XKR6: variants seen among roughly 807,000 people sequenced by gnomAD.
XKR6 encodes XK related 6.
In XKR6, 22 loss-of-function variants were observed where a neutral mutation model predicts 56.7. That is an observed-to-expected ratio of 0.39 (90% CI 0.28 to 0.55). The LOEUF is 0.55. Ranked by LOEUF, XKR6 falls within the 20% of genes least tolerant of loss-of-function variation. The pLI is 0.66. For missense variants in XKR6, 852 were observed against 889.0 expected (o/e 0.96, Z 0.53); for synonymous variants, 524 against 387.8 (o/e 1.35, Z -4.13).
intron 1 of XKR6, among the ~76,000 whole-genome samples, chr8:11,119,678 T>C (rs954628313): frequency 1.3e-5 from 2 of 152,206 alleles, no homozygotes; most frequent in African/African-American, 4.8e-5. Flanking sequence ...CCTCCATCCC[T>C]TTATTTTGAG....
intron 1 of XKR6, among the ~76,000 whole-genome samples, chr8:11,145,980 G>A (rs184711427): frequency 9.9e-5 from 15 of 152,188 alleles, no homozygotes; most frequent in Non-Finnish European, 1.2e-4. Flanking sequence ...AGTGTGGTGT[G>A]GGCATCGAGA....
chr8:10,896,672 CCAAA>C lies in XKR6; in HGVS notation c.*1276_*1279del, dbSNP rs1305703795. ...ACCACAATGGTGAAAGACAGAAGCA[CCAAA>C]CAGTCTTTGAAATGGGTCAGTTATT... is the stretch of plus-strand genomic sequence containing the variant. On this transcript the variant is annotated 3_prime_UTR_variant, in exon 3 of 3. Transcript: ENST00000416569. 1.3e-5 allele frequency: 2 copies of C among 152,256 alleles called. No individual in the cohort carries two copies. Among genetic ancestry groups the C allele is most frequent in the Non-Finnish European group, 2.9e-5 (2 of 67,992 alleles). 9.4% of individuals were successfully genotyped at this position (152,256 alleles called of 1,614,324 possible). A position where few individuals can be genotyped will look rare whatever the true frequency, so the allele number is the denominator to read the frequency against.
intron 1 of XKR6, among the ~76,000 whole-genome samples, chr8:11,075,892 A>T (rs1458606199): frequency 6.6e-6 from 1 of 152,134 alleles, no homozygotes; most frequent in African/African-American, 2.4e-5. Flanking sequence ...AAAAAAACGT[A>T]ACTTGATCTT....
At chr8:11,069,701 T>C (rs539530407) in intron 1 of XKR6, among the ~76,000 whole-genome samples, 3 of 135,744 alleles carry the variant, frequency 2.2e-5, no homozygotes, top group South Asian at 2.3e-4. Context: ...GAGGGGAACA[T>C]AGGTGCAAGA....
At chr8:10,952,060 C>G (rs1801740903) in intron 1 of XKR6, among the ~76,000 whole-genome samples, 2 of 152,168 alleles carry the variant, frequency 1.3e-5, no homozygotes, top group African/African-American at 2.4e-5. Flanking sequence ...ATAAAGGGCA[C>G]ATGCAGCACA....
chr8:10,976,870 G>T (rs112160677), intron 1 of XKR6, among the ~76,000 whole-genome samples: 3,328 of 152,186 alleles, frequency 0.022, 63 homozygotes, highest in Middle Eastern at 0.037. Flanking sequence ...ACATCTGGCT[G>T]CCTGAGCCCC....
At chr8:11,017,860 C>T (rs1206759324) in intron 1 of XKR6, among the ~76,000 whole-genome samples, 1 of 152,168 alleles carries the variant, frequency 6.6e-6, no homozygotes, top group Admixed American at 6.5e-5. Flanking sequence ...ATCCCCGGAT[C>T]CTGAGATGAC....
chr8:10,968,835 G>A (rs1198109155), intron 1 of XKR6, among the ~76,000 whole-genome samples: 1 of 152,236 alleles, frequency 6.6e-6, no homozygotes, highest in African/African-American at 2.4e-5. Context: ...CAGTCCAGGG[G>A]CTCTGGGACT....
At chr8:10,963,453 G>A (rs565907266) in intron 1 of XKR6, among the ~76,000 whole-genome samples, 1 of 152,170 alleles carries the variant, frequency 6.6e-6, no homozygotes, top group South Asian at 2.1e-4. Context: ...TCTTCCTGCT[G>A]TCACTGGGAT....
At chr8:10,968,299 C>T (rs1002973713) in intron 1 of XKR6, among the ~76,000 whole-genome samples, 2 of 152,238 alleles carry the variant, frequency 1.3e-5, no homozygotes, top group East Asian at 1.9e-4. Context: ...AGATTGGACT[C>T]GGCTCACCCA....
chr8:11,128,673 A>T (rs1586586038), intron 1 of XKR6: 2 of 375,600 alleles, frequency 5.3e-6, no homozygotes, highest in East Asian at 1.4e-4. Flanking sequence ...ACACAAGATG[A>T]AATTACCCTG....
chr8:11,030,344 CA>C (rs1387207554), intron 1 of XKR6, among the ~76,000 whole-genome samples: 1 of 152,220 alleles, frequency 6.6e-6, no homozygotes, highest in African/African-American at 2.4e-5. Flanking sequence ...TGAGAATGTA[CA>C]TGCTGCCATT....
intron 1 of XKR6, among the ~76,000 whole-genome samples, chr8:11,035,870 T>C (rs977707845): frequency 6.6e-6 from 1 of 151,600 alleles, no homozygotes; most frequent in African/African-American, 2.4e-5. Flanking sequence ...TCTACCTACA[T>C]CTAGGGCTCC....
chr8:10,966,816 T>G (rs1181006492), intron 1 of XKR6, among the ~76,000 whole-genome samples: 1 of 152,216 alleles, frequency 6.6e-6, no homozygotes, highest in Non-Finnish European at 1.5e-5. Flanking sequence ...TGGGGCGCAC[T>G]GACGTCTGAG....
intron 1 of XKR6, among the ~76,000 whole-genome samples, chr8:11,184,137 T>G (rs1320853761): frequency 6.6e-6 from 1 of 152,168 alleles, no homozygotes; most frequent in Non-Finnish European, 1.5e-5. Flanking sequence ...ACAGAGACTG[T>G]TAAAGGTTTC....
At chr8:10,981,187 T>G (rs1797726740) in intron 1 of XKR6, among the ~76,000 whole-genome samples, 2 of 152,314 alleles carry the variant, frequency 1.3e-5, no homozygotes, top group African/African-American at 4.8e-5. Flanking sequence ...TACTGAGAGA[T>G]GGGCAGCTGT....
At chr8:11,183,669 T>C (rs11990290) in intron 1 of XKR6, among the ~76,000 whole-genome samples, 3,615 of 152,230 alleles carry the variant, frequency 0.024, 165 homozygotes, top group African/African-American at 0.08. Context: ...TCTGTGCTAG[T>C]CAAAATAAAC....
At chr8:10,997,250 C>G (rs888199644) in intron 1 of XKR6, among the ~76,000 whole-genome samples, 1 of 152,192 alleles carries the variant, frequency 6.6e-6, no homozygotes, top group Admixed American at 6.5e-5. Context: ...AACAACACAC[C>G]TTATACATAC....
At chr8:11,092,797 A>G (rs1798119509) in intron 1 of XKR6, among the ~76,000 whole-genome samples, 1 of 152,178 alleles carries the variant, frequency 6.6e-6, no homozygotes, top group Non-Finnish European at 1.5e-5. Context: ...GCAATAATCA[A>G]TAAATAGGTT....
Sources: gnomAD v4.1 joint callset for allele counts (sites outside exome capture counted in the v4.1 genomes callset) on GRCh38, gnomAD v4.1.1 for gene constraint, MANE v1.5 for transcripts, NCBI Gene and HGNC (gene_info 2026-07-23, HGNC 2026-07-21) for gene names.